Variants in PCDH11X observed in about 807,000 individuals in gnomAD.
PCDH11X encodes the protein protocadherin 11 X-linked.
Under a neutral mutation model 53.3 loss-of-function variants are expected in PCDH11X, and 18 were observed. That is an observed-to-expected ratio of 0.34 (90% CI 0.23 to 0.50). The LOEUF (loss-of-function observed/expected upper bound fraction) is 0.50. Among genes scored for constraint, PCDH11X ranks in the 20% least tolerant of loss-of-function variants. The pLI, the probability that PCDH11X is intolerant of heterozygous loss-of-function variation, is 0.98. For synonymous variants in PCDH11X, 279 were observed against 393.3 expected (o/e 0.71, Z 3.44); for missense variants, 570 against 1,032.4 (o/e 0.55, Z 6.14).
At chrX:92,225,692 A>G (rs962684754) in intron 7 of PCDH11X, among the ~76,000 whole-genome samples, 6 of 111,548 alleles carry the variant, frequency 5.4e-5, no homozygotes, top group African/African-American at 1.9e-4. Context: ...TGCAAAATTA[A>G]GAAAATAAAT....
intron 8 of PCDH11X, among the ~76,000 whole-genome samples, chrX:92,277,607 G>T (rs535616410): frequency 7.0e-4 from 76 of 108,644 alleles, no homozygotes; most frequent in South Asian, 2.5e-3. Context: ...AAAAGTGGTT[G>T]GGGCTCAGAG....
At chrX:92,250,047 C>T (rs1377300068) in intron 7 of PCDH11X, among the ~76,000 whole-genome samples, 2 of 111,126 alleles carry the variant, frequency 1.8e-5, no homozygotes, top group Admixed American at 9.6e-5. Context: ...AGGGAATTTC[C>T]TTATTTAAAA....
At chrX:92,514,770 G>A (rs72608321) in intron 10 of PCDH11X, among the ~76,000 whole-genome samples, 14,883 of 104,701 alleles carry the variant, frequency 0.14, 961 homozygotes, top group East Asian at 0.43. Context: ...TCACCCGGCC[G>A]GGCGTGGTGG....
At chrX:92,431,062 T>C (rs1325252659) in intron 9 of PCDH11X, among the ~76,000 whole-genome samples, 3 of 111,174 alleles carry the variant, frequency 2.7e-5, no homozygotes, top group African/African-American at 9.8e-5. Flanking sequence ...AAAGATGAAA[T>C]GTAAAAGAAA....
chrX:92,615,087 G>C (rs1215736792), intron 10 of PCDH11X, among the ~76,000 whole-genome samples: 4 of 111,530 alleles, frequency 3.6e-5, no homozygotes, highest in African/African-American at 9.8e-5. Flanking sequence ...GTCCATGTGA[G>C]CAAGTACTCC....
chrX:92,534,639 T>A (rs2074622796), intron 10 of PCDH11X, among the ~76,000 whole-genome samples: 1 of 111,241 alleles, frequency 9.0e-6, no homozygotes, highest in African/African-American at 3.3e-5. Context: ...GAAAAAATGT[T>A]AAGGCAGCCA....
At chrX:92,191,236 C>T (rs933235538) in intron 6 of PCDH11X, among the ~76,000 whole-genome samples, 5 of 112,195 alleles carry the variant, frequency 4.5e-5, no homozygotes, top group African/African-American at 1.3e-4. Flanking sequence ...TTCACATCAT[C>T]TTTTTAACCT....
Position 92,538,343 on chromosome X carries a change from T to C in PCDH11X, c.3367+70021T>C, listed in dbSNP as rs1272620204. 4.7e-5 allele frequency among the ~76,000 whole-genome samples: 5 copies of C among 105,611 alleles called. No individual in the cohort carries two copies. In the East Asian group the frequency reaches 1.6e-3, roughly 34 times the overall value. 91.7% of individuals were successfully genotyped at this position (105,611 alleles called of 115,157 possible). A position where few individuals can be genotyped will look rare whatever the true frequency, so the allele number is the denominator to read the frequency against. ...ATTCTGACATGTTATGTCCTTTCAT[T>C]GGAGAGTTCATCTATTTATTTCCTT... is the stretch of plus-strand genomic sequence containing the variant. On this transcript the variant is annotated intron_variant, in intron 10 of 10. Transcript: ENST00000682573.
At chrX:92,415,636 TA>T (rs2071792001) in intron 9 of PCDH11X, among the ~76,000 whole-genome samples, 1 of 111,979 alleles carries the variant, frequency 8.9e-6, no homozygotes, top group Non-Finnish European at 1.9e-5. Context: ...ATATTTCTGG[TA>T]AAAATATTCT....
chrX:92,208,601 G>T (rs1388310299), intron 7 of PCDH11X, among the ~76,000 whole-genome samples: 1 of 91,432 alleles, frequency 1.1e-5, no homozygotes, highest in Non-Finnish European at 2.1e-5. Flanking sequence ...TCAGCTAGAA[G>T]AACACCTGCA....
chrX:91,892,012 G>GAT (rs1940504377), intron 6 of PCDH11X, among the ~76,000 whole-genome samples: 1 of 83,082 alleles, frequency 1.2e-5, no homozygotes, highest in African/African-American at 4.3e-5. Flanking sequence ...TAATTAGAGG[G>GAT]GTGTGTGTGT....
chrX:92,226,083 C>T, intron 7 of PCDH11X, among the ~76,000 whole-genome samples: 1 of 111,693 alleles, frequency 9.0e-6, no homozygotes, highest in East Asian at 2.8e-4. Flanking sequence ...AATTTGTACC[C>T]TTATGTAGGG....
At chrX:92,018,580 A>G (rs954893390) in intron 6 of PCDH11X, among the ~76,000 whole-genome samples, 1 of 112,305 alleles carries the variant, frequency 8.9e-6, no homozygotes, top group Non-Finnish European at 1.9e-5. Flanking sequence ...AATTAATGGC[A>G]TTTGTCTAAA....
intron 8 of PCDH11X, among the ~76,000 whole-genome samples, chrX:92,330,951 G>A (rs962707452): frequency 5.0e-5 from 5 of 99,218 alleles, no homozygotes; most frequent in Non-Finnish European, 4.1e-5. Flanking sequence ...ACAAAGAGGC[G>A]CAAGGAAACT....
At chrX:91,849,986 A>G (rs1311037320) in intron 5 of PCDH11X, among the ~76,000 whole-genome samples, 5 of 103,520 alleles carry the variant, frequency 4.8e-5, no homozygotes, top group Non-Finnish European at 9.9e-5. Context: ...GCATTTCAAG[A>G]TTCTCAGAAA....
chrX:91,786,763 A>C (rs1569377973), intron 1 of PCDH11X, among the ~76,000 whole-genome samples: 1 of 103,396 alleles, frequency 9.7e-6, no homozygotes, highest in Non-Finnish European at 2.0e-5. Flanking sequence ...TTCCAGAATT[A>C]AGAGGGGAAG....
At chrX:92,418,983 A>C (rs1192619833) in intron 9 of PCDH11X, among the ~76,000 whole-genome samples, 5 of 104,989 alleles carry the variant, frequency 4.8e-5, no homozygotes, top group African/African-American at 1.7e-4. Flanking sequence ...TGGCCTATGT[A>C]CTGTGTAGAA....
intron 9 of PCDH11X, among the ~76,000 whole-genome samples, chrX:92,414,847 A>G (rs745414856): frequency 2.0e-4 from 22 of 111,780 alleles, no homozygotes; most frequent in Non-Finnish European, 3.2e-4. Flanking sequence ...ATTCTTATCC[A>G]AAGGAAGACA....
chrX:92,427,184 C>A (rs147359315), intron 9 of PCDH11X, among the ~76,000 whole-genome samples: 3,101 of 109,743 alleles, frequency 0.028, 105 homozygotes, highest in African/African-American at 0.083. Flanking sequence ...TAGTAGCTTC[C>A]CCTATAATTA....
Sources: gnomAD v4.1 joint callset for allele counts (sites outside exome capture counted in the v4.1 genomes callset) on GRCh38, gnomAD v4.1.1 for gene constraint, MANE v1.5 for transcripts, NCBI Gene and HGNC (gene_info 2026-07-23, HGNC 2026-07-21) for gene names.